Variants in ZFYVE28 observed in about 807,000 individuals in gnomAD.
The protein encoded by ZFYVE28 is lateral signaling target protein 2 homolog.
A neutral mutation model predicts 82.1 loss-of-function variants in ZFYVE28; 40 were observed. The observed-to-expected ratio is 0.49, with a 90% CI of 0.38 to 0.63. The LOEUF (loss-of-function observed/expected upper bound fraction) is 0.63. Ranked by LOEUF, ZFYVE28 falls within the 30% of genes least tolerant of loss-of-function variation. ZFYVE28 has a pLI of 0.00. For synonymous variants in ZFYVE28, 612 were observed against 546.1 expected, an observed-to-expected ratio of 1.12 and a Z score of -1.68; for missense variants, 1,321 against 1,242.1, an observed-to-expected ratio of 1.06 and a Z score of -0.96.
In ZFYVE28 at chr4:2,270,359, A is replaced by C; in HGVS notation, c.*366T>G. On this transcript the variant is annotated 3_prime_UTR_variant, in exon 13 of 13. Transcript: ENST00000290974. ...AGATTCACCGCAACAGCAGAGGCGCAGAGTGGCCCCACTCTTGTCCACCTC... is the reference window on the plus strand; with the variant it reads ...AGATTCACCGCAACAGCAGAGGCGCCGAGTGGCCCCACTCTTGTCCACCTC... The C allele has an allele frequency of 3.8e-6, 1 of 266,478 alleles. No individual in the cohort carries two copies. The highest frequency in any genetic ancestry group is 1.3e-3 in the Middle Eastern group (1 of 766). 16.5% of individuals were successfully genotyped at this position (266,478 alleles called of 1,614,324 possible).
chr4:2,363,952 C>T (rs1250839423), intron 1 of ZFYVE28, among the ~76,000 whole-genome samples: 1 of 152,240 alleles, frequency 6.6e-6, no homozygotes, highest in Non-Finnish European at 1.5e-5. Flanking sequence ...GCCACTCACC[C>T]TGCCTGACGG....
intron 2 of ZFYVE28, among the ~76,000 whole-genome samples, chr4:2,352,503 G>C (rs1243157442): frequency 6.6e-6 from 1 of 151,712 alleles, no homozygotes; most frequent in Non-Finnish European, 1.5e-5. Context: ...CTGGAGCGGA[G>C]TGGACAGAAG....
intron 6 of ZFYVE28, among the ~76,000 whole-genome samples, chr4:2,323,447 A>C (rs1719394969): frequency 6.6e-6 from 1 of 152,204 alleles, no homozygotes; most frequent in Non-Finnish European, 1.5e-5. Flanking sequence ...TCTGGACATT[A>C]AATCTTCATC....
Position 2,418,176 on chromosome 4 carries a change from G to A in ZFYVE28, c.39+109C>T. ...AAGGATGTCGGCGGTGGGGGAAGAGGCCGGCCACGGACAGGGAAAGGGAGT... is the reference window on the plus strand; with the variant it reads ...AAGGATGTCGGCGGTGGGGGAAGAGACCGGCCACGGACAGGGAAAGGGAGT... On this transcript the variant is annotated intron_variant, in intron 1 of 12. Coordinates refer to ENST00000290974, the MANE Select transcript of ZFYVE28 (RefSeq NM_020972.3). This position sits in a 1 kb window ranked among gnomAD's most constrained non-coding sequence, Gnocchi z 4.6. 9.5e-7 allele frequency: 1 copy of A among 1,047,970 alleles called. No individual in the cohort carries two copies. Among genetic ancestry groups the A allele is most frequent in the Non-Finnish European group, 1.3e-6 (1 of 759,400 alleles). 64.9% of individuals were successfully genotyped at this position (1,047,970 alleles called of 1,614,324 possible). A position where few individuals can be genotyped will look rare whatever the true frequency, so the allele number is the denominator to read the frequency against.
chr4:2,331,257 C>T (rs911519214), intron 6 of ZFYVE28, among the ~76,000 whole-genome samples: 2 of 151,754 alleles, frequency 1.3e-5, no homozygotes, highest in Admixed American at 6.6e-5. Context: ...GAAGCCGCAG[C>T]GAGGCGGGCA....
In ZFYVE28 at chr4:2,341,629, C is replaced by T. The variant is rs372260747; in HGVS notation, c.181-14G>A. ...CAACACATTGTCCTGAAACAGAAGA[C>T]AGGAGAAAGTGCGCCAATCGCTGTG... On this transcript the variant is annotated splice_polypyrimidine_tract_variant and intron_variant, in intron 2 of 12. Coordinates refer to ENST00000290974, the MANE Select transcript of ZFYVE28 (RefSeq NM_020972.3). This position sits in a 1 kb window ranked among gnomAD's most constrained non-coding sequence, Gnocchi z 4.5. 3 of 1,597,240 alleles carry T rather than the reference C, an allele frequency of 1.9e-6. No homozygotes were observed. Among genetic ancestry groups the T allele is most frequent in the Admixed American group, 3.4e-5 (2 of 59,670 alleles).
intron 1 of ZFYVE28, among the ~76,000 whole-genome samples, chr4:2,379,256 T>C (rs1728478773): frequency 6.6e-6 from 1 of 152,192 alleles, no homozygotes; most frequent in South Asian, 2.1e-4. Flanking sequence ...GGGAGGGACT[T>C]ACAGTTTCCT....
intron 4 of ZFYVE28, 145 bp from the exon 5 acceptor site, chr4:2,337,641 G>A (rs1722057409): frequency 1.7e-6 from 1 of 602,394 alleles, no homozygotes. Context: ...CAGCACGTTG[G>A]GAGTCTGAGG....
At chr4:2,367,510 C>G (rs889208351) in intron 1 of ZFYVE28, among the ~76,000 whole-genome samples, 21 of 152,264 alleles carry the variant, frequency 1.4e-4, no homozygotes, top group African/African-American at 5.1e-4. Flanking sequence ...AAAATGGAAA[C>G]TTAAGCTGCT....
intron 6 of ZFYVE28, among the ~76,000 whole-genome samples, chr4:2,325,824 C>T (rs924953535): frequency 2.6e-5 from 4 of 152,044 alleles, no homozygotes; most frequent in African/African-American, 9.7e-5. Flanking sequence ...AACTCCTGGC[C>T]TCAAGCAATC....
At position 2,304,492 on chromosome 4, in the gene ZFYVE28, G is replaced by A. The variant is rs778735670; in HGVS notation, c.1848C>T (p.Pro616=). Reference sequence around the variant, plus strand: ...CCCGCCCGTTGGAGGCATCTTCTGAGGGTGGGGGCGCCTCCTCCTGTCTCT... The same window carrying A: ...CCCGCCCGTTGGAGGCATCTTCTGAAGGTGGGGGCGCCTCCTCCTGTCTCT... ...APERQEEAPP[P]SEDASNGREP... The change falls in exon 8 of 13, where the codon CCC becomes CCT. Residue 616 remains proline, a synonymous_variant. Transcript: ENST00000290974. The A allele has an allele frequency of 1.2e-6, 2 of 1,612,932 alleles. No homozygotes were observed. Among genetic ancestry groups the A allele is most frequent in the South Asian group, 2.2e-5 (2 of 91,060 alleles).
intron 6 of ZFYVE28, among the ~76,000 whole-genome samples, chr4:2,331,280 C>T (rs999277584): frequency 4.6e-5 from 7 of 151,748 alleles, no homozygotes; most frequent in South Asian, 2.1e-4. Context: ...CAGGTCTGTG[C>T]TGATGGGGAC....
chr4:2,384,072 A>G (rs1331352392), intron 1 of ZFYVE28, among the ~76,000 whole-genome samples: 1 of 152,194 alleles, frequency 6.6e-6, no homozygotes. Context: ...CATGTCCCAC[A>G]CAGGCAGAGT....
chr4:2,294,001 C>G (rs1714158213), intron 8 of ZFYVE28, among the ~76,000 whole-genome samples: 1 of 151,076 alleles, frequency 6.6e-6, no homozygotes, highest in Non-Finnish European at 1.5e-5. Context: ...TGAACCAGAA[C>G]TATTATTAAG....
intron 2 of ZFYVE28, among the ~76,000 whole-genome samples, chr4:2,344,047 A>G (rs1390046847): frequency 6.6e-6 from 1 of 152,204 alleles, no homozygotes; most frequent in African/African-American, 2.4e-5. Flanking sequence ...AAGGACAGTG[A>G]TCCCCAAGAG....
At chr4:2,385,843 C>T (rs933903615) in intron 1 of ZFYVE28, among the ~76,000 whole-genome samples, 5 of 152,218 alleles carry the variant, frequency 3.3e-5, no homozygotes, top group Non-Finnish European at 7.3e-5. Context: ...GACAGGCGCC[C>T]TCACAGGGGA....
intron 8 of ZFYVE28, among the ~76,000 whole-genome samples, chr4:2,291,048 C>T (rs955784691): frequency 6.6e-6 from 1 of 152,222 alleles, no homozygotes; most frequent in African/African-American, 2.4e-5. Context: ...TGTGCTCCTG[C>T]CCCCGGCACA....
At chr4:2,278,116 A>C (rs1320322274) in intron 8 of ZFYVE28, among the ~76,000 whole-genome samples, 1 of 152,220 alleles carries the variant, frequency 6.6e-6, no homozygotes, top group African/African-American at 2.4e-5. Flanking sequence ...GGAGACACAC[A>C]TGCAAAAGGA....
In ZFYVE28 at chr4:2,304,282, C is replaced by T. The variant is rs778222563; in HGVS notation, c.2051+7G>A. ...AAACCCAGTCTCTGGGCCAGACTGGCTCTTACCTGGAGCCCGACAGGGCCT... is the reference window on the plus strand; with the variant it reads ...AAACCCAGTCTCTGGGCCAGACTGGTTCTTACCTGGAGCCCGACAGGGCCT... On this transcript the variant is annotated splice_region_variant and intron_variant, in intron 8 of 12. Coordinates refer to ENST00000290974, the MANE Select transcript of ZFYVE28 (RefSeq NM_020972.3). 1.2e-5 allele frequency: 18 copies of T among 1,560,424 alleles called. No homozygotes were observed. Among genetic ancestry groups the T allele is most frequent in the Non-Finnish European group, 8.6e-7 (1 of 1,162,120 alleles).
Sources: allele counts gnomAD v4.1 joint callset (sites outside exome capture counted in the v4.1 genomes callset), GRCh38; gene constraint gnomAD v4.1.1; non-coding constraint Gnocchi (gnomAD v3.1); transcripts MANE v1.5; gene names NCBI Gene and HGNC (gene_info 2026-07-23, HGNC 2026-07-21).